TOPAZ1: variants seen among roughly 807,000 people sequenced by gnomAD.
The protein encoded by TOPAZ1 is testis and ovary specific TOPAZ 1, also known as protein TOPAZ1.
In TOPAZ1, 66 loss-of-function variants were observed where a neutral mutation model predicts 172.2. The observed-to-expected ratio is 0.38, with a 90% confidence interval of 0.31 to 0.47. The LOEUF is 0.47. Among genes scored for constraint, TOPAZ1 ranks in the 20% least tolerant of loss-of-function variants. The pLI is 0.99. For missense variants in TOPAZ1, 1,822 were observed against 1,972.4 expected, an observed-to-expected ratio of 0.92 and a Z score of 1.44; for synonymous variants, 681 against 683.9, an observed-to-expected ratio of 1.00 and a Z score of 0.07.
At position 44,242,152 on chromosome 3, in the gene TOPAZ1, G is replaced by A. The variant is rs1221783149; in HGVS notation, c.99G>A (p.Ala33=). 2.6e-6 allele frequency: 4 copies of A among 1,548,644 alleles called. No individual in the cohort carries two copies. Among genetic ancestry groups the A allele is most frequent in the Admixed American group, 2.0e-5 (1 of 50,716 alleles). ...QKRQAPGPGA[A]GGCGPEAGGC... is the part of the protein sequence containing the mutation. ...GGCAGGCGCCAGGGCCAGGCGCGGCGGGAGGCTGTGGCCCTGAGGCCGGGG... is the reference window on the plus strand; with the variant it reads ...GGCAGGCGCCAGGGCCAGGCGCGGCAGGAGGCTGTGGCCCTGAGGCCGGGG... Residue 33 remains alanine (A), a synonymous_variant, in exon 1 of 20, where the codon GCG becomes GCA. Coordinates refer to ENST00000309765, the MANE Select transcript of TOPAZ1 (RefSeq NM_001145030.2).
chr3:44,275,756 G>A (rs1279988623), intron 8 of TOPAZ1, among the ~76,000 whole-genome samples: 1 of 151,910 alleles, frequency 6.6e-6, no homozygotes, highest in Non-Finnish European at 1.5e-5. Context: ...TTTACTTTTA[G>A]TTTTTTAAGA....
chr3:44,255,029 G>A lies in TOPAZ1; in HGVS notation c.2827G>A (p.Glu943Lys). ...KPDICASNSAESEIKRDPKDV... is the reference protein window; with the variant it reads ...KPDICASNSAKSEIKRDPKDV... ...AGACATCTGTGCTTCCAACTCAGCA[G>A]GTAAAAGTTGACATTTTCAGAATAT... Residue 943 changes from glutamate (E) to lysine (K), a missense_variant and splice_region_variant, in exon 3 of 20, where the codon GAA (glutamate) becomes AAA (lysine). Glu to Lys is a moderately conservative substitution (Grantham distance 56). Coordinates refer to ENST00000309765, the MANE Select transcript of TOPAZ1 (RefSeq NM_001145030.2). The A allele has an allele frequency of 6.4e-7, 1 of 1,550,410 alleles. No homozygotes were observed. Among genetic ancestry groups the A allele is most frequent in the Non-Finnish European group, 8.7e-7 (1 of 1,146,058 alleles).
intron 15 of TOPAZ1, 85 bp from the exon 16 acceptor site, chr3:44,309,740 A>G: frequency 1.0e-6 from 1 of 993,224 alleles, no homozygotes; most frequent in Non-Finnish European, 1.5e-6. Flanking sequence ...TTCAAACTGG[A>G]TACTTGGCTT....
intron 12 of TOPAZ1, among the ~76,000 whole-genome samples, chr3:44,292,012 A>G (rs1019298759): frequency 2.0e-5 from 3 of 152,306 alleles, no homozygotes; most frequent in African/African-American, 7.2e-5. Context: ...TCAGTGTCTG[A>G]CAGGTGTCAG....
chr3:44,252,033 A>C (rs967925701), intron 2 of TOPAZ1, among the ~76,000 whole-genome samples: 1 of 152,286 alleles, frequency 6.6e-6, no homozygotes, highest in African/African-American at 2.4e-5. Context: ...TGTTTCTTAC[A>C]AGAGTTTGCA....
chr3:44,275,415 ACTT>A (rs1232730873), intron 8 of TOPAZ1, among the ~76,000 whole-genome samples: 1 of 152,006 alleles, frequency 6.6e-6, no homozygotes, highest in Non-Finnish European at 1.5e-5. Context: ...AATGAAATCA[ACTT>A]CTTTAGCTCC....
intron 3 of TOPAZ1, among the ~76,000 whole-genome samples, chr3:44,255,599 C>T (rs1469585736): frequency 6.8e-6 from 1 of 146,484 alleles, no homozygotes; most frequent in East Asian, 2.1e-4. Flanking sequence ...TTGCAGTGAG[C>T]CAAGATCACG....
At chr3:44,290,724 TGTC>T in intron 11 of TOPAZ1, 44 bp from the exon 12 acceptor site, 2 of 1,230,754 alleles carry the variant, frequency 1.6e-6, no homozygotes, top group African/African-American at 3.1e-5. Flanking sequence ...TCCTCAATTC[TGTC>T]ACATTTTTGT....
intron 16 of TOPAZ1, among the ~76,000 whole-genome samples, chr3:44,314,559 C>T (rs947721641): frequency 7.2e-5 from 11 of 152,040 alleles, no homozygotes; most frequent in Non-Finnish European, 1.5e-4. Context: ...TTAACTACTA[C>T]ACCAGTACTA....
chr3:44,291,013 C>T (rs981799216), intron 12 of TOPAZ1, 127 bp downstream of exon 12: 2 of 563,102 alleles, frequency 3.6e-6, no homozygotes, highest in East Asian at 3.5e-5. Context: ...GTCATAAACC[C>T]TTCTCCTGTC....
chr3:44,285,143 G>A (rs868740785), intron 9 of TOPAZ1, among the ~76,000 whole-genome samples: 2 of 152,230 alleles, frequency 1.3e-5, no homozygotes, highest in African/African-American at 4.8e-5. Flanking sequence ...TGGTAAAGTA[G>A]CGTTATGAAT....
rs982353287 is a variant in TOPAZ1 at position 44,244,621 on chromosome 3, G to A, written c.2115G>A (p.Lys705=). ...AAAAAAGAAAAGAAGTAAATGCCAAGTCATCAGAGAGAGAAGCTTACAGTC... is the reference window on the plus strand; with the variant it reads ...AAAAAAGAAAAGAAGTAAATGCCAAATCATCAGAGAGAGAAGCTTACAGTC... The part of the protein sequence containing the change: ...KSEKRKEVNA[K]SSEREAYSPL... Residue 705 remains lysine, a synonymous_variant, in exon 2 of 20, where the codon AAG becomes AAA. Coordinates refer to ENST00000309765, the MANE Select transcript of TOPAZ1 (RefSeq NM_001145030.2). The A allele has an allele frequency of 4.5e-6, 7 of 1,551,088 alleles. No homozygotes were observed. The highest frequency in any genetic ancestry group is 2.7e-5 in the African/African-American group (2 of 72,974).
chr3:44,323,438 T>G, intron 18 of TOPAZ1, 143 bp downstream of exon 18: 3 of 462,870 alleles, frequency 6.5e-6, no homozygotes, highest in East Asian at 3.7e-5. Context: ...AACAGATCTG[T>G]GCTCTCTTTT....
At chr3:44,305,352 GTA>G in intron 14 of TOPAZ1, 31 bp downstream of exon 14, 3 of 1,483,248 alleles carry the variant, frequency 2.0e-6, no homozygotes, top group Non-Finnish European at 2.7e-6. Context: ...TGAATATTGT[GTA>G]TGAGGATGGT....
chr3:44,287,720 T>TG (rs1700095158), intron 10 of TOPAZ1, 27 bp from the exon 11 acceptor site: 1 of 1,205,598 alleles, frequency 8.3e-7, no homozygotes, highest in Non-Finnish European at 1.2e-6. Context: ...GATCTGAAAA[T>TG]GAGTGTAATT....
At chr3:44,329,847 G>T (rs754659477) in intron 19 of TOPAZ1, among the ~76,000 whole-genome samples, 5 of 152,164 alleles carry the variant, frequency 3.3e-5, no homozygotes, top group Non-Finnish European at 7.4e-5. Context: ...TTGCAGGGAG[G>T]TACTGTCTCC....
intron 9 of TOPAZ1, 50 bp from the exon 10 acceptor site, chr3:44,287,339 C>T: frequency 1.9e-6 from 2 of 1,039,668 alleles, no homozygotes; most frequent in Non-Finnish European, 2.6e-6. Context: ...TTAAGAAATA[C>T]AGATATCTGA....
intron 12 of TOPAZ1, among the ~76,000 whole-genome samples, chr3:44,291,634 C>CT (rs1366290824): frequency 1.3e-5 from 2 of 148,330 alleles, no homozygotes; most frequent in African/African-American, 2.5e-5. Flanking sequence ...AAAAAAAACT[C>CT]TAACAATTAT....
At chr3:44,313,503 G>A (rs975875799) in intron 16 of TOPAZ1, among the ~76,000 whole-genome samples, 7 of 151,490 alleles carry the variant, frequency 4.6e-5, no homozygotes, top group Admixed American at 2.0e-4. Flanking sequence ...TGTAGTCCCA[G>A]CTACTCTGGA....
Sources: gnomAD v4.1 joint callset for allele counts (sites outside exome capture counted in the v4.1 genomes callset) on GRCh38, gnomAD v4.1.1 for gene constraint, MANE v1.5 for transcripts, NCBI Gene and HGNC (gene_info 2026-07-23, HGNC 2026-07-21) for gene names.